Variants in ZNF428 observed in about 807,000 individuals in gnomAD.
ZNF428 encodes the protein zinc finger protein 428.
Under a neutral mutation model 15.6 loss-of-function variants are expected in ZNF428, and 5 were observed. The ratio of observed to expected loss-of-function variants is 0.32; its 90% CI spans 0.17 to 0.67. ZNF428 has a LOEUF of 0.67. Among genes scored for constraint, ZNF428 ranks in the 30% least tolerant of loss-of-function variants. The probability of loss-of-function intolerance (pLI) is 0.73; values close to 1 mark genes in which losing one functional copy is unlikely to be tolerated. For synonymous variants in ZNF428, 97 were observed against 102.2 expected (o/e 0.95, Z 0.31); for missense variants, 237 against 256.0 (o/e 0.93, Z 0.51).
intron 2 of ZNF428, 145 bp downstream of exon 2, chr19:43,614,084 T>C (rs1600088363): frequency 1.3e-6 from 2 of 1,565,472 alleles, no homozygotes; most frequent in Non-Finnish European, 1.7e-6. Flanking sequence ...CTGGAAGAGA[T>C]CCCCTACTAG....
chr19:43,614,163 G>C, intron 2 of ZNF428, 66 bp downstream of exon 2: 1 of 1,614,102 alleles, frequency 6.2e-7, no homozygotes. Flanking sequence ...ACATTTCCCA[G>C]TGGGGGCCAA....
Position 43,612,261 on chromosome 19 carries a change from C to A in ZNF428, c.76+1968G>T, listed in dbSNP as rs1196837062. The A allele has an allele frequency of 6.4e-7, 1 of 1,551,698 alleles. No individual in the cohort carries two copies. On this transcript the variant is annotated intron_variant, in intron 2 of 2. Coordinates refer to ENST00000300811, the MANE Select transcript of ZNF428 (RefSeq NM_182498.4). The surrounding 1 kb of genome is among the most constrained non-coding windows in gnomAD (Gnocchi z 4.2). ...ACACCCAACAGATCCTTAGTGCCCACCAAACCAGCGACATCCCGTAACTCA... is the reference window on the plus strand; with the variant it reads ...ACACCCAACAGATCCTTAGTGCCCAACAAACCAGCGACATCCCGTAACTCA...
intron 2 of ZNF428, chr19:43,613,730 A>G: frequency 6.4e-7 from 1 of 1,551,620 alleles, no homozygotes; most frequent in Non-Finnish European, 8.7e-7. Flanking sequence ...CAGACAATCT[A>G]GAAGCCCCAA....
chr19:43,611,893 C>T (rs1973301110), intron 2 of ZNF428: 2 of 585,930 alleles, frequency 3.4e-6, no homozygotes, highest in Admixed American at 3.1e-5. Flanking sequence ...CCTCAGAAGA[C>T]ATCTGCTGAA....
At chr19:43,611,530 G>C (rs543490665) in intron 2 of ZNF428, among the ~76,000 whole-genome samples, 7 of 152,064 alleles carry the variant, frequency 4.6e-5, no homozygotes, top group Non-Finnish European at 8.8e-5. Flanking sequence ...TTGTTGGTTA[G>C]GCTGGTCTTG....
At position 43,610,101 on chromosome 19, in the gene ZNF428, C is replaced by T. The variant is rs982970287; in HGVS notation, c.77-1994G>A. 3.9e-5 allele frequency among the ~76,000 whole-genome samples: 6 copies of T among 152,076 alleles called. 1 individual carries two copies. In the South Asian group the frequency reaches 8.3e-4, roughly 21 times the overall value. ...TCAGGGTCTTTGCCACCCTTTCTGC[C>T]GATGTCACTCTCCATTCCATGTCTC... is the stretch of plus-strand genomic sequence containing the variant. On this transcript the variant is annotated intron_variant, in intron 2 of 2. Transcript: ENST00000300811.
chr19:43,609,148 C>T (rs937052484), intron 2 of ZNF428, among the ~76,000 whole-genome samples: 1 of 152,012 alleles, frequency 6.6e-6, no homozygotes, highest in Non-Finnish European at 1.5e-5. Flanking sequence ...GAGGGTGGTA[C>T]TATTACTATC....
At position 43,614,349 on chromosome 19, in the gene ZNF428, C is replaced by T. The variant is rs1973350433; in HGVS notation, c.-45G>A. On this transcript the variant is annotated 5_prime_UTR_variant, in exon 2 of 3. Coordinates refer to ENST00000300811, the MANE Select transcript of ZNF428 (RefSeq NM_182498.4). Reference sequence around the variant, plus strand: ...AGACAGGAGCAGAGCAGCAGCTGAGCAGCGTCCCTCCCCGGCCAGCTCTCC... The same window carrying T: ...AGACAGGAGCAGAGCAGCAGCTGAGTAGCGTCCCTCCCCGGCCAGCTCTCC... 4 of 1,552,620 alleles carry T rather than the reference C, an allele frequency of 2.6e-6. No individual in the cohort carries two copies. In the South Asian group the frequency reaches 3.7e-5, roughly 14 times the overall value.
In ZNF428 at chr19:43,608,095, G is replaced by A; in HGVS notation, c.89C>T (p.Ser30Phe). The A allele has an allele frequency of 6.2e-7, 1 of 1,612,748 alleles. No homozygotes were observed. Among genetic ancestry groups the A allele is most frequent in the Admixed American group, 1.7e-5 (1 of 59,932 alleles). Residue 30 changes from serine (S) to phenylalanine (F), a missense_variant, in exon 3 of 3, where the codon TCC becomes TTC. Ser to Phe is a radical substitution (Grantham distance 155). Coordinates refer to ENST00000300811, the MANE Select transcript of ZNF428 (RefSeq NM_182498.4). The stretch of plus-strand genomic sequence containing the variant: ...TGAGAGAGTGTATTCTGAATCAGAG[G>A]AATGCTCGGGGCCTGGAGGGGGACA... ...DEDLSPGPEH[S>F]SDSEYTLSEP...
rs546926724 is a variant in ZNF428 at position 43,614,440 on chromosome 19, T to G, written c.-130-6A>C. On this transcript the variant is annotated splice_polypyrimidine_tract_variant and splice_region_variant and intron_variant, in intron 1 of 2. Transcript: ENST00000300811. Reference sequence around the variant, plus strand: ...TTGGCAGGTAGAGAGGGATGCTGGATAGGGGGAAAGGAAAGACCTGTGATG... The same window carrying G: ...TTGGCAGGTAGAGAGGGATGCTGGAGAGGGGGAAAGGAAAGACCTGTGATG... 1.5e-5 allele frequency: 22 copies of G among 1,446,914 alleles called. No individual in the cohort carries two copies. The African/African-American group carries it at 3.1e-4, about 21-fold the overall frequency. 89.6% of individuals were successfully genotyped at this position (1,446,914 alleles called of 1,614,324 possible).
chr19:43,610,610 T>C (rs1241850602), intron 2 of ZNF428, among the ~76,000 whole-genome samples: 2 of 152,134 alleles, frequency 1.3e-5, no homozygotes, highest in Non-Finnish European at 2.9e-5. Flanking sequence ...GGCCCCAGCA[T>C]CTAAAACACT....
Position 43,612,574 on chromosome 19 carries a change from AC to A in ZNF428, c.76+1654del, listed in dbSNP as rs1404090039. On this transcript the variant is annotated intron_variant, in intron 2 of 2. Coordinates refer to ENST00000300811, the MANE Select transcript of ZNF428 (RefSeq NM_182498.4). This position sits in a 1 kb window ranked among gnomAD's most constrained non-coding sequence, Gnocchi z 4.2. ...GCAGGATAAGAACTCATGGTGCCAG[AC>A]CAGGCATGGCCAGCAGGGTGAGAAC... 1.9e-6 allele frequency: 3 copies of A among 1,551,662 alleles called. No homozygotes were observed. Among genetic ancestry groups the A allele is most frequent in the Admixed American group, 3.9e-5 (2 of 51,000 alleles).
intron 2 of ZNF428, chr19:43,613,853 G>A: frequency 1.3e-6 from 2 of 1,551,460 alleles, no homozygotes; most frequent in Non-Finnish European, 1.7e-6. Context: ...CCCCAGCAAG[G>A]AGAGAGAGCG....
chr19:43,607,955 C>T lies in ZNF428; in HGVS notation c.229G>A (p.Gly77Ser). 1.3e-6 allele frequency: 2 copies of T among 1,593,052 alleles called. No homozygotes were observed. Among genetic ancestry groups the T allele is most frequent in the Non-Finnish European group, 8.5e-7 (1 of 1,170,028 alleles). ...GCACGGGGGGCCCGGCGGGATGGGC[C>T]ACCACGGCCCCCGCCAAGGCGCTGC... ...VKQRLGGGRG[G>S]PSRRAPRAAQ... The change falls in exon 3 of 3, where the codon GGC becomes AGC. Residue 77 changes from glycine to serine, a missense_variant. By Grantham distance (56) the Gly-to-Ser change is moderately conservative. Transcript: ENST00000300811. This position sits in a 1 kb window ranked among gnomAD's most constrained non-coding sequence, Gnocchi z 5.1.
intron 2 of ZNF428, among the ~76,000 whole-genome samples, chr19:43,610,181 G>T (rs947402667): frequency 6.6e-6 from 1 of 151,122 alleles, no homozygotes; most frequent in African/African-American, 2.4e-5. Context: ...CACTCCCTAC[G>T]CCCCTTACTC....
chr19:43,614,037 G>A lies in ZNF428; in HGVS notation c.76+192C>T, dbSNP rs547156485. The A allele has an allele frequency of 1.6e-4, 247 of 1,551,988 alleles. 4 individuals are homozygous for A. The South Asian group carries it at 2.8e-3, about 17-fold the overall frequency. On this transcript the variant is annotated intron_variant, in intron 2 of 2. Coordinates refer to ENST00000300811, the MANE Select transcript of ZNF428 (RefSeq NM_182498.4). ...CAATCTAGAACCTCTAGCAAGGAGA[G>A]CGACCCCAGTCAATCTACAGTCCCC... is the stretch of plus-strand genomic sequence containing the variant.
intron 2 of ZNF428, among the ~76,000 whole-genome samples, chr19:43,609,576 C>T (rs1973274360): frequency 6.6e-6 from 1 of 151,862 alleles, no homozygotes; most frequent in Non-Finnish European, 1.5e-5. Context: ...CCCGTCTCTA[C>T]TAAAAATACA....
intron 2 of ZNF428, 36 bp downstream of exon 2, chr19:43,614,193 G>A: frequency 6.2e-7 from 1 of 1,614,206 alleles, no homozygotes; most frequent in Non-Finnish European, 8.5e-7. Flanking sequence ...CAGGATGACA[G>A]TCAAGCCGAC....
chr19:43,615,917 T>C (rs989505395), intron 1 of ZNF428, among the ~76,000 whole-genome samples: 3 of 152,174 alleles, frequency 2.0e-5, no homozygotes, highest in Non-Finnish European at 4.4e-5. Context: ...CCAGTCCTCT[T>C]GGGTTTTTAC....
Sources: gnomAD v4.1 joint callset for allele counts (sites outside exome capture counted in the v4.1 genomes callset) on GRCh38, gnomAD v4.1.1 for gene constraint, Gnocchi (gnomAD v3.1) non-coding constraint, MANE v1.5 for transcripts, NCBI Gene and HGNC (gene_info 2026-07-23, HGNC 2026-07-21) for gene names.